The following TMEM43 variants were observed in gnomAD, a reference collection of about 807,000 sequenced individuals.
TMEM43 encodes the protein transmembrane protein 43.
TMEM43 carries 45 observed loss-of-function variants against 49.6 expected under a neutral mutation model. That is an observed-to-expected ratio of 0.91 (90% CI 0.71 to 1.16). TMEM43 has a LOEUF of 1.16. Among genes scored for constraint, TMEM43 ranks in the 50% most tolerant of loss-of-function variants. TMEM43 has a pLI of 0.00. For missense variants in TMEM43, 532 were observed against 516.6 expected, an observed-to-expected ratio of 1.03 and a Z score of -0.29; for synonymous variants, 199 against 207.8, an observed-to-expected ratio of 0.96 and a Z score of 0.36.
At chr3:14,132,278 G>A (rs2124988448) in intron 4 of TMEM43, among the ~76,000 whole-genome samples, 1 of 152,362 alleles carries the variant, frequency 6.6e-6, no homozygotes, top group South Asian at 2.1e-4. Flanking sequence ...CCAAAGGGCA[G>A]GGCTGGGCCC....
Position 14,139,298 on chromosome 3 carries a change from G to A in TMEM43, c.1000+1G>A. The A allele has an allele frequency of 1.2e-6, 2 of 1,609,514 alleles. No individual in the cohort carries two copies. The highest frequency in any genetic ancestry group is 1.7e-6 in the Non-Finnish European group (2 of 1,175,802). ...ATGACACGGATCCTCTACACCTTGG[G>A]TAGGTGTTGGGGTGGGTCACTGCCC... On this transcript the variant is annotated splice_donor_variant, in intron 11 of 11. Transcript: ENST00000306077. LOFTEE classifies it high-confidence loss of function.
intron 10 of TMEM43, among the ~76,000 whole-genome samples, chr3:14,136,634 C>T (rs539217870): frequency 1.3e-5 from 2 of 151,824 alleles, no homozygotes; most frequent in African/African-American, 2.4e-5. Flanking sequence ...AGTCTGGGCA[C>T]GAAAGGGTTC....
At position 14,130,837 on chromosome 3, in the gene TMEM43, AC is replaced by A; in HGVS notation, c.179del (p.Thr60ArgfsTer54). Reference sequence around the variant, plus strand: ...TTGCTCCCAGGGCCGCGCATTGAAGACGGCAACCTCATTGGCTGAGGGGCTC... The same window carrying A: ...TTGCTCCCAGGGCCGCGCATTGAAGAGGCAACCTCATTGGCTGAGGGGCTC... Reference protein sequence around the residue: ...IFTNEGRALKTATSLAEGLSL... With the variant: ...IFTNEGRALKXATSLAEGLSL... On this transcript the variant is annotated frameshift_variant, in exon 3 of 12. Coordinates refer to ENST00000306077, the MANE Select transcript of TMEM43 (RefSeq NM_024334.3). LOFTEE classifies it high-confidence loss of function. 6.2e-7 allele frequency: 1 copy of A among 1,613,790 alleles called. No homozygotes were observed. The highest frequency in any genetic ancestry group is 8.5e-7 in the Non-Finnish European group (1 of 1,179,878).
Position 14,139,499 on chromosome 3 carries a change from G to C in TMEM43, c.1000+202G>C, listed in dbSNP as rs1387140429. Among the ~76,000 whole-genome samples, 6 of 152,174 alleles carry C rather than the reference G, an allele frequency of 3.9e-5. No individual in the cohort carries two copies. In the South Asian group the frequency reaches 8.3e-4, roughly 21 times the overall value. On this transcript the variant is annotated intron_variant, in intron 11 of 11. Transcript: ENST00000306077. ...AGGCTTGAGGGCAGGAGCTGCCAGG[G>C]GCCAGGCTGGGTGGGGCCAACTCTG...
Position 14,135,276 on chromosome 3 carries a change from G to C in TMEM43, c.780+44G>C, listed in dbSNP as rs776013037. 33 of 1,504,428 alleles carry C rather than the reference G, an allele frequency of 2.2e-5. No homozygotes were observed. In the East Asian group the frequency reaches 6.6e-4, roughly 30 times the overall value. The allele number at this position is 1,504,428 out of a possible 1,614,324, so 93.2% of individuals were successfully genotyped here. ...GGCAGACACTAAGTCAGAGCCTCAC[G>C]ACTTTCCTGGACACAGACACCTTGG... On this transcript the variant is annotated intron_variant, in intron 9 of 11. Coordinates refer to ENST00000306077, the MANE Select transcript of TMEM43 (RefSeq NM_024334.3).
chr3:14,136,507 A>G lies in TMEM43; in HGVS notation c.882+599A>G, dbSNP rs376175798. Among the ~76,000 whole-genome samples, 23 of 152,346 alleles carry G rather than the reference A, an allele frequency of 1.5e-4. No homozygotes were observed. In the East Asian group the frequency reaches 4.2e-3, roughly 28 times the overall value. ...GTGCTCTGATACCAGTGGACGTCAG[A>G]GTAGAACATCCGTTTCTGCAGTGAT... On this transcript the variant is annotated intron_variant, in intron 10 of 11. Coordinates refer to ENST00000306077, the MANE Select transcript of TMEM43 (RefSeq NM_024334.3).
At position 14,134,788 on chromosome 3, in the gene TMEM43, A is replaced by G. The variant is rs776240748; in HGVS notation, c.602A>G (p.Asp201Gly). 1.9e-6 allele frequency: 3 copies of G among 1,614,034 alleles called. No homozygotes were observed. Among genetic ancestry groups the G allele is most frequent in the Admixed American group, 3.3e-5 (2 of 60,012 alleles). Residue 201 changes from aspartate (D) to glycine (G), a missense_variant, in exon 8 of 12, where the codon GAC (aspartate) becomes GGC (glycine). Transcript: ENST00000306077. The stretch of plus-strand genomic sequence containing the variant: ...CCCTCAGGCCTCATCGACAAAGTCG[A>G]CAACTTCAAGTCCCTGAGCCTATCC... The part of the protein sequence containing the change: ...FLSSGLIDKV[D>G]NFKSLSLSKL...
intron 11 of TMEM43, among the ~76,000 whole-genome samples, chr3:14,139,882 A>G (rs1358403780): frequency 6.6e-6 from 1 of 152,106 alleles, no homozygotes; most frequent in Non-Finnish European, 1.5e-5. Flanking sequence ...CCAGTAGGAG[A>G]CCTGTGGCCC....
rs865789335 is a variant in TMEM43, at chr3:14,133,068, G to A, written c.512+133G>A. The A allele has an allele frequency of 8.9e-6, 7 of 785,496 alleles. 2 individuals carry two copies. In the Middle Eastern group the frequency reaches 1.7e-3, roughly 189 times the overall value. The allele number at this position is 785,496 out of a possible 1,614,324, so 48.7% of individuals were successfully genotyped here. Reference sequence around the variant, plus strand: ...TTGAAAATGTGGGACATGGGTTTGAGACCAAGCCCTGTGCTGGGCACCAGG... The same window carrying A: ...TTGAAAATGTGGGACATGGGTTTGAAACCAAGCCCTGTGCTGGGCACCAGG... On this transcript the variant is annotated intron_variant, in intron 6 of 11. Coordinates refer to ENST00000306077, the MANE Select transcript of TMEM43 (RefSeq NM_024334.3).
chr3:14,140,222 C>T (rs953785000), intron 11 of TMEM43, among the ~76,000 whole-genome samples: 2 of 152,180 alleles, frequency 1.3e-5, no homozygotes, highest in African/African-American at 2.4e-5. Context: ...AGACCAGTGA[C>T]GTGGTGGGCA....
At chr3:14,127,035 C>T (rs1695029754) in intron 1 of TMEM43, among the ~76,000 whole-genome samples, 1 of 152,192 alleles carries the variant, frequency 6.6e-6, no homozygotes, top group Non-Finnish European at 1.5e-5. Flanking sequence ...GCCTATGTGT[C>T]AGCCTCTGTT....
At chr3:14,134,582 G>C (rs1695141393) in intron 7 of TMEM43, among the ~76,000 whole-genome samples, 188 bp from the exon 8 acceptor site, 1 of 152,210 alleles carries the variant, frequency 6.6e-6, no homozygotes, top group Non-Finnish European at 1.5e-5. Flanking sequence ...CACAGGGAAA[G>C]CTTCCTGGAG....
intron 5 of TMEM43, 120 bp from the exon 6 acceptor site, chr3:14,132,746 C>T: frequency 1.5e-6 from 2 of 1,370,518 alleles, no homozygotes; most frequent in Non-Finnish European, 2.1e-6. Context: ...GCTTTCCCAC[C>T]CATCCATTGA....
Position 14,142,925 on chromosome 3 carries a change from A to AATC in TMEM43, c.*1132_*1134dup, listed in dbSNP as rs1173721309. ...TTCATGGTGACGCCCCGTCAACCAC[A>AATC]ATCAAGAACTGAGGCCTGAGGCTGG... On this transcript the variant is annotated 3_prime_UTR_variant, in exon 12 of 12. Coordinates refer to ENST00000306077, the MANE Select transcript of TMEM43 (RefSeq NM_024334.3). 6.6e-6 allele frequency: 1 copy of AATC among 152,240 alleles called. No individual in the cohort carries two copies. Among genetic ancestry groups the AATC allele is most frequent in the African/African-American group, 2.4e-5 (1 of 41,452 alleles). The allele number at this position is 152,240 out of a possible 1,614,324, so 9.4% of individuals were successfully genotyped here.
chr3:14,133,708 C>T, intron 6 of TMEM43, 31 bp from the exon 7 acceptor site: 1 of 1,608,454 alleles, frequency 6.2e-7, no homozygotes, highest in East Asian at 2.2e-5. Context: ...CACACCGGTG[C>T]CCATCTCTGA....
rs1287293491 is a variant in TMEM43 at position 14,125,054 on chromosome 3, A to G, written c.-140A>G. ...ACTGGGCACAGGGGGAGGTAACTGC[A>G]GTAAGTCCCGCTTGGCCCTGGAGTC... On this transcript the variant is annotated 5_prime_UTR_variant, in exon 1 of 12. Coordinates refer to ENST00000306077, the MANE Select transcript of TMEM43 (RefSeq NM_024334.3). The G allele has an allele frequency of 1.8e-6, 2 of 1,091,318 alleles. No individual in the cohort carries two copies. The highest frequency in any genetic ancestry group is 2.6e-5 in the East Asian group (1 of 39,158). 67.6% of individuals were successfully genotyped at this position (1,091,318 alleles called of 1,614,324 possible).
chr3:14,126,415 T>C (rs896252158), intron 1 of TMEM43, among the ~76,000 whole-genome samples: 1 of 152,168 alleles, frequency 6.6e-6, no homozygotes, highest in African/African-American at 2.4e-5. Flanking sequence ...GGAAGGCACT[T>C]GCCCAAGCTC....
At position 14,139,565 on chromosome 3, in the gene TMEM43, T is replaced by C. The variant is rs539484717; in HGVS notation, c.1000+268T>C. On this transcript the variant is annotated intron_variant, in intron 11 of 11. Coordinates refer to ENST00000306077, the MANE Select transcript of TMEM43 (RefSeq NM_024334.3). ...TCCACAGCCTGAAGGTTCGTCCATC[T>C]GCTGGCTCGATCATTTGCTCATTCC... Among the ~76,000 whole-genome samples the C allele has an allele frequency of 7.9e-5, 12 of 152,354 alleles. No individual in the cohort carries two copies. In the East Asian group the frequency reaches 2.3e-3, roughly 29 times the overall value.
intron 1 of TMEM43, chr3:14,128,710 G>A (rs534470055): frequency 1.8e-5 from 5 of 282,602 alleles, no homozygotes; most frequent in Middle Eastern, 5.0e-4. Context: ...TTGTAAAATA[G>A]CTTGGCAGTT....
Sources: allele counts gnomAD v4.1 joint callset (sites outside exome capture counted in the v4.1 genomes callset), GRCh38; gene constraint gnomAD v4.1.1; transcripts MANE v1.5; gene names NCBI Gene and HGNC (gene_info 2026-07-23, HGNC 2026-07-21).